The following UROS variants were observed in gnomAD, a reference collection of about 807,000 sequenced individuals.
The protein encoded by UROS is uroporphyrinogen-III synthase.
UROS carries 18 observed loss-of-function variants against 33.0 expected under a neutral mutation model. The ratio of observed to expected loss-of-function variants is 0.55; its 90% confidence interval spans 0.38 to 0.81. The LOEUF (loss-of-function observed/expected upper bound fraction) is 0.81, where lower values mean the gene tolerates loss of function less well. Among genes scored for constraint, UROS ranks in the 30% least tolerant of loss-of-function variants. UROS has a pLI of 0.00. For missense variants in UROS, 293 were observed against 314.9 expected (o/e 0.93, Z 0.53); for synonymous variants, 114 against 121.1 (o/e 0.94, Z 0.38).
At chr10:125,812,072 T>C (rs1852863192) in intron 5 of UROS, 142 bp downstream of exon 5, 1 of 711,440 alleles carries the variant, frequency 1.4e-6, no homozygotes, top group Non-Finnish European at 2.4e-6. Context: ...CACTGCATTC[T>C]TATCAGTAGT....
Position 125,816,421 on chromosome 10 carries a change from G to C in UROS, c.63+16C>G, listed in dbSNP as rs1336071902. ...TAGAAAGGACACTGTGGGATAAGGA[G>C]TCTCAGGCCACTTACCCTGATATAC... On this transcript the variant is annotated intron_variant, in intron 2 of 9. Transcript: ENST00000368797. The C allele has an allele frequency of 6.2e-7, 1 of 1,613,906 alleles. No homozygotes were observed. Among genetic ancestry groups the C allele is most frequent in the South Asian group, 1.1e-5 (1 of 91,080 alleles).
downstream of UROS, among the ~76,000 whole-genome samples, chr10:125,787,297 G>A (rs531603203): frequency 6.6e-6 from 1 of 152,210 alleles, no homozygotes; most frequent in East Asian, 1.9e-4. Context: ...TTCAATGTGT[G>A]CTTCCGAAGC....
intron 6 of UROS, chr10:125,802,874 G>A: frequency 6.4e-7 from 1 of 1,557,024 alleles, no homozygotes; most frequent in South Asian, 1.2e-5. Context: ...TTCCCTTGGG[G>A]CTCAGGCTGG....
chr10:125,803,968 C>T (rs890248425), intron 6 of UROS, among the ~76,000 whole-genome samples: 1 of 152,274 alleles, frequency 6.6e-6, no homozygotes, highest in Non-Finnish European at 1.5e-5. Context: ...CCTGACATGA[C>T]ACTGTGATAC....
At position 125,816,233 on chromosome 10, in the gene UROS, T is replaced by C; in HGVS notation, c.91A>G (p.Thr31Ala). The stretch of plus-strand genomic sequence containing the variant: ...TCAAACGATAAAACAGGGATCAAAG[T>C]GGCTTCAAGTCCATATAATCCTAAT... ...RELGLYGLEATLIPVLSFEFL... is the reference protein window; with the variant it reads ...RELGLYGLEAALIPVLSFEFL... The change falls in exon 3 of 10, where the codon ACT becomes GCT. Residue 31 changes from threonine (T) to alanine (A), a missense_variant. Physicochemically the swap from Thr to Ala is moderately conservative, Grantham distance 58. Coordinates refer to ENST00000368797, the MANE Select transcript of UROS (RefSeq NM_000375.3). 2 of 1,614,192 alleles carry C rather than the reference T, an allele frequency of 1.2e-6. No homozygotes were observed. Among genetic ancestry groups the C allele is most frequent in the Non-Finnish European group, 8.5e-7 (1 of 1,180,030 alleles).
intron 3 of UROS, 136 bp downstream of exon 3, chr10:125,816,041 A>G: frequency 1.1e-6 from 1 of 920,120 alleles, no homozygotes; most frequent in African/African-American, 1.6e-5. Flanking sequence ...AGCCTCCTGG[A>G]GCCAGGTGAA....
Position 125,813,873 on chromosome 10 carries a change from G to A in UROS, c.244+1161C>T, listed in dbSNP as rs185376776. Among the ~76,000 whole-genome samples, 20 of 152,296 alleles carry A rather than the reference G, an allele frequency of 1.3e-4. No individual in the cohort carries two copies. In the East Asian group the frequency reaches 1.3e-3, roughly 10 times the overall value. On this transcript the variant is annotated intron_variant, in intron 4 of 9. Coordinates refer to ENST00000368797, the MANE Select transcript of UROS (RefSeq NM_000375.3). ...GAAGGTGGGATGTTTAGGCTACAGCGAAGCCTGGTTAAATGTGGAGACAGA... is the reference window on the plus strand; with the variant it reads ...GAAGGTGGGATGTTTAGGCTACAGCAAAGCCTGGTTAAATGTGGAGACAGA...
At chr10:125,785,355 G>A (rs191976812), downstream of UROS, 1 of 152,296 alleles carries the variant, frequency 6.6e-6, no homozygotes, top group African/African-American at 2.4e-5. Flanking sequence ...GCCTGCCTGC[G>A]AAGGAAGCTG....
chr10:125,796,955 A>C, intron 7 of UROS: 2 of 651,074 alleles, frequency 3.1e-6, no homozygotes, highest in South Asian at 1.4e-4. Context: ...AAACTAAAGA[A>C]ATAAACTGAA....
intron 9 of UROS, among the ~76,000 whole-genome samples, chr10:125,789,892 G>A (rs1438581066): frequency 6.6e-6 from 1 of 152,204 alleles, no homozygotes; most frequent in East Asian, 1.9e-4. Context: ...CTAGTGTGGG[G>A]GTTAAATGAG....
Position 125,794,872 on chromosome 10 carries a change from T to TA in UROS, c.660+7dup. The TA allele has an allele frequency of 1.9e-6, 3 of 1,603,126 alleles. No homozygotes were observed. Among genetic ancestry groups the TA allele is most frequent in the Non-Finnish European group, 2.6e-6 (3 of 1,170,664 alleles). On this transcript the variant is annotated splice_region_variant and intron_variant, in intron 9 of 9. Coordinates refer to ENST00000368797, the MANE Select transcript of UROS (RefSeq NM_000375.3). ...TGAAAAAGACCAAAAGCTCATTGAA[T>TA]AACTTACCTTAATTTGATCGATATT... is the stretch of plus-strand genomic sequence containing the variant.
At chr10:125,807,216 AG>A (rs1350874101) in intron 6 of UROS, 196 bp downstream of exon 6, 5 of 608,776 alleles carry the variant, frequency 8.2e-6, no homozygotes, top group Non-Finnish European at 1.5e-5. Flanking sequence ...AGGGGGTAGA[AG>A]GAAGTGGGCT....
intron 5 of UROS, 122 bp downstream of exon 5, chr10:125,812,088 ATACT>A (rs777365007): frequency 1.4e-5 from 11 of 802,568 alleles, no homozygotes; most frequent in South Asian, 3.1e-5. Flanking sequence ...GTAGTATCGT[ATACT>A]TAATTAATTT....
intron 6 of UROS, chr10:125,802,740 C>G (rs1401931362): frequency 1.4e-5 from 20 of 1,407,964 alleles, no homozygotes; most frequent in Non-Finnish European, 1.8e-5. Flanking sequence ...TCTTTAGGTA[C>G]AGCCCAGGTA....
At position 125,812,278 on chromosome 10, in the gene UROS, C is replaced by T. The variant is rs1460789088; in HGVS notation, c.255G>A (p.Arg85=). 3 of 1,613,756 alleles carry T rather than the reference C, an allele frequency of 1.9e-6. No individual in the cohort carries two copies. Among genetic ancestry groups the T allele is most frequent in the Admixed American group, 1.7e-5 (1 of 60,014 alleles). Residue 85 remains arginine, a synonymous_variant, in exon 5 of 10, where the codon AGG becomes AGA. Transcript: ENST00000368797. ...EQNNKTEVWE[R]SLKEKWNAKS... ...TGGCATTCCATTTTTCTTTCAGAGA[C>T]CTTTCCCAGACTGTAAAACATGAAA...
chr10:125,786,134 A>T (rs1334211564), downstream of UROS, among the ~76,000 whole-genome samples: 2 of 152,122 alleles, frequency 1.3e-5, no homozygotes, highest in African/African-American at 4.8e-5. Flanking sequence ...TGACTCTGGG[A>T]ATCCGGCACC....
downstream of UROS, chr10:125,785,458 ACT>A (rs1483259057): frequency 6.6e-6 from 1 of 152,094 alleles, no homozygotes; most frequent in Non-Finnish European, 1.5e-5. Flanking sequence ...CACCTCACTG[ACT>A]CTATCCCTGT....
rs1851339126 is a variant in UROS, at chr10:125,796,158, T to G, written c.506A>C (p.Gln169Pro). ...GIAMESITVYQTVAHPGIQGN... is the reference protein window; with the variant it reads ...GIAMESITVYPTVAHPGIQGN... ...TTGGATTCCTGGGTGTGCAACTGTC[T>G]GATACACAGTTATGCTTTCCATGGC... The change falls in exon 8 of 10, where the codon CAG becomes CCG. Residue 169 changes from glutamine to proline, a missense_variant. Transcript: ENST00000368797. The G allele has an allele frequency of 6.2e-7, 1 of 1,614,100 alleles. No individual in the cohort carries two copies. The highest frequency in any genetic ancestry group is 8.5e-7 in the Non-Finnish European group (1 of 1,180,044).
chr10:125,789,681 A>G (rs1229729120), intron 9 of UROS, among the ~76,000 whole-genome samples: 5 of 152,172 alleles, frequency 3.3e-5, no homozygotes, highest in East Asian at 1.9e-4. Context: ...CAATCAGCCA[A>G]TCCGGGGCAC....
Sources: allele counts gnomAD v4.1 joint callset (sites outside exome capture counted in the v4.1 genomes callset), GRCh38; gene constraint gnomAD v4.1.1; transcripts MANE v1.5; gene names NCBI Gene and HGNC (gene_info 2026-07-23, HGNC 2026-07-21).